The following TLK1 variants were observed in gnomAD, a reference collection of about 807,000 sequenced individuals.
TLK1 encodes the protein serine/threonine-protein kinase tousled-like 1.
A neutral mutation model predicts 105.3 loss-of-function variants in TLK1; 24 were observed. The ratio of observed to expected loss-of-function variants is 0.23; its 90% CI spans 0.17 to 0.32. The LOEUF is 0.32. Among genes scored for constraint, TLK1 ranks in the 10% least tolerant of loss-of-function variants. TLK1 has a pLI of 1.00. For synonymous variants in TLK1, 321 were observed against 310.4 expected (o/e 1.03, Z -0.36); for missense variants, 558 against 910.5 (o/e 0.61, Z 4.98).
At chr2:171,205,349 G>A (rs1433150718) in intron 1 of TLK1, among the ~76,000 whole-genome samples, 1 of 150,454 alleles carries the variant, frequency 6.6e-6, no homozygotes, top group Non-Finnish European at 1.5e-5. Flanking sequence ...CCCCAACAGG[G>A]TCTTGCTCTG....
intron 1 of TLK1, among the ~76,000 whole-genome samples, chr2:171,197,850 G>A (rs994595722): frequency 6.6e-6 from 1 of 152,090 alleles, no homozygotes; most frequent in Non-Finnish European, 1.5e-5. Context: ...AGATGCTTGG[G>A]CTCTACTCCA....
At chr2:171,184,769 T>C (rs1269234834) in intron 1 of TLK1, among the ~76,000 whole-genome samples, 1 of 152,266 alleles carries the variant, frequency 6.6e-6, no homozygotes, top group Non-Finnish European at 1.5e-5. Flanking sequence ...TATTCAATGT[T>C]GGTTTCTGAA....
chr2:171,104,353 T>G (rs907141873), intron 2 of TLK1, among the ~76,000 whole-genome samples: 8 of 149,758 alleles, frequency 5.3e-5, no homozygotes, highest in African/African-American at 1.7e-4. Flanking sequence ...ACCAATGAGG[T>G]GAAGGGGTTC....
At chr2:171,110,716 G>C (rs1469369171) in intron 2 of TLK1, among the ~76,000 whole-genome samples, 1 of 152,162 alleles carries the variant, frequency 6.6e-6, no homozygotes, top group African/African-American at 2.4e-5. Context: ...AGGCAACCTA[G>C]AGGAGTTGAC....
chr2:170,996,188 C>T (rs939856194), intron 20 of TLK1, among the ~76,000 whole-genome samples: 2 of 147,916 alleles, frequency 1.4e-5, no homozygotes, highest in South Asian at 2.2e-4. Flanking sequence ...TAGTAGAGAC[C>T]GGGTTTCACC....
At chr2:171,189,870 G>A (rs1397368750) in intron 1 of TLK1, among the ~76,000 whole-genome samples, 1 of 152,122 alleles carries the variant, frequency 6.6e-6, no homozygotes, top group Non-Finnish European at 1.5e-5. Flanking sequence ...CAAAAGGTCA[G>A]AAAGCAGTGA....
At chr2:171,054,115 C>T (rs904320429) in intron 7 of TLK1, 15 of 250,748 alleles carry the variant, frequency 6.0e-5, no homozygotes, top group Non-Finnish European at 1.5e-5. Context: ...CTGCTTTGTG[C>T]TATACGTTCC....
chr2:171,083,504 T>C (rs1349361683), intron 2 of TLK1, among the ~76,000 whole-genome samples: 1 of 152,188 alleles, frequency 6.6e-6, no homozygotes, highest in Admixed American at 6.5e-5. Flanking sequence ...TGATACTTAT[T>C]ATCTTGTGCA....
intron 20 of TLK1, among the ~76,000 whole-genome samples, chr2:170,996,189 G>A (rs973966929): frequency 5.3e-5 from 8 of 151,598 alleles, no homozygotes; most frequent in East Asian, 1.9e-4. Context: ...AGTAGAGACC[G>A]GGTTTCACCA....
At chr2:171,202,167 C>T (rs535651850) in intron 1 of TLK1, among the ~76,000 whole-genome samples, 151 of 152,282 alleles carry the variant, frequency 9.9e-4, no homozygotes, top group Non-Finnish European at 1.7e-3. Flanking sequence ...AAGAATTTCC[C>T]GGCTCAGGCC....
chr2:171,078,162 C>T (rs1440560125), intron 3 of TLK1, among the ~76,000 whole-genome samples: 1 of 152,148 alleles, frequency 6.6e-6, no homozygotes, highest in Non-Finnish European at 1.5e-5. Context: ...TAGCTAGATC[C>T]CTTTGAATCA....
At chr2:171,108,036 G>A (rs1294582896) in intron 2 of TLK1, among the ~76,000 whole-genome samples, 1 of 148,892 alleles carries the variant, frequency 6.7e-6, no homozygotes, top group Non-Finnish European at 1.5e-5. Flanking sequence ...CAGCCTGGGT[G>A]ACAGAGTGAG....
intron 1 of TLK1, among the ~76,000 whole-genome samples, chr2:171,152,206 C>T (rs993843975): frequency 6.6e-6 from 1 of 152,106 alleles, no homozygotes; most frequent in Non-Finnish European, 1.5e-5. Flanking sequence ...CTTAACAATC[C>T]ACATAGATGA....
chr2:171,185,268 C>G (rs1462615428), intron 1 of TLK1, among the ~76,000 whole-genome samples: 4 of 152,162 alleles, frequency 2.6e-5, no homozygotes, highest in African/African-American at 9.7e-5. Flanking sequence ...AGCATCTTAA[C>G]TGCTGTCTCT....
chr2:171,180,702 A>G (rs937285934), intron 1 of TLK1, among the ~76,000 whole-genome samples: 8 of 152,186 alleles, frequency 5.3e-5, no homozygotes, highest in Non-Finnish European at 1.0e-4. Flanking sequence ...CATTGGCTTT[A>G]AAATGAGTGA....
At chr2:171,065,471 G>A (rs1027597071) in intron 3 of TLK1, among the ~76,000 whole-genome samples, 2 of 151,416 alleles carry the variant, frequency 1.3e-5, no homozygotes, top group Non-Finnish European at 2.9e-5. Context: ...CTGACAGAAT[G>A]AATTTTTTTC....
chr2:171,014,500 A>C (rs1159504612), intron 13 of TLK1, among the ~76,000 whole-genome samples: 2 of 152,082 alleles, frequency 1.3e-5, no homozygotes, highest in African/African-American at 4.8e-5. Context: ...GGGCCTGGCT[A>C]GGGACTACTA....
intron 1 of TLK1, among the ~76,000 whole-genome samples, chr2:171,218,787 A>T (rs749479765): frequency 2.6e-5 from 4 of 152,212 alleles, no homozygotes; most frequent in African/African-American, 9.6e-5. Context: ...CCCATTCATG[A>T]CAGAGGAGTC....
chr2:171,133,789 A>T (rs946550414), intron 1 of TLK1, among the ~76,000 whole-genome samples: 4 of 151,306 alleles, frequency 2.6e-5, no homozygotes, highest in African/African-American at 9.7e-5. Flanking sequence ...TTGAGTGTAC[A>T]TAATGAGGTA....
Sources: gnomAD v4.1 joint callset for allele counts (sites outside exome capture counted in the v4.1 genomes callset) on GRCh38, gnomAD v4.1.1 for gene constraint, MANE v1.5 for transcripts, NCBI Gene and HGNC (gene_info 2026-07-23, HGNC 2026-07-21) for gene names.